The following CDYL variants were observed in gnomAD, a reference collection of about 807,000 sequenced individuals.
CDYL encodes chromodomain Y-like protein.
Under a neutral mutation model 47.3 loss-of-function variants are expected in CDYL, and 8 were observed. The observed-to-expected ratio is 0.17, with a 90% confidence interval of 0.10 to 0.31. CDYL has a LOEUF of 0.31. Ranked by LOEUF, CDYL falls within the 10% of genes least tolerant of loss-of-function variation. The pLI is 1.00. For missense variants in CDYL, 471 were observed against 701.4 expected, an observed-to-expected ratio of 0.67 and a Z score of 3.71; for synonymous variants, 266 against 265.0, an observed-to-expected ratio of 1.00 and a Z score of -0.04.
At chr6:4,816,498 CTTT>C (rs1332068497) in intron 1 of CDYL, among the ~76,000 whole-genome samples, 8 of 127,612 alleles carry the variant, frequency 6.3e-5, no homozygotes, top group Admixed American at 2.4e-4. Context: ...TTCTTTCTTT[CTTT>C]TTTTTTTTTT....
intron 3 of CDYL, among the ~76,000 whole-genome samples, chr6:4,735,838 A>G (rs966324583): frequency 6.6e-6 from 1 of 152,144 alleles, no homozygotes; most frequent in African/African-American, 2.4e-5. Context: ...AATTTATGTT[A>G]TAAACATATC....
chr6:4,952,194 A>T, intron 5 of CDYL, 72 bp from the exon 6 acceptor site: 2 of 1,533,460 alleles, frequency 1.3e-6, no homozygotes, highest in Non-Finnish European at 1.8e-6. Flanking sequence ...TTCGGTGTGG[A>T]TTTTAAGGGA....
At chr6:4,839,250 T>TCC (rs1323515397) in intron 1 of CDYL, among the ~76,000 whole-genome samples, 1 of 152,180 alleles carries the variant, frequency 6.6e-6, no homozygotes, top group African/African-American at 2.4e-5. Context: ...ATGTCCTTAG[T>TCC]CCCACTTTTT....
At chr6:4,925,229 G>A (rs1173573587) in intron 2 of CDYL, among the ~76,000 whole-genome samples, 3 of 152,052 alleles carry the variant, frequency 2.0e-5, no homozygotes, top group African/African-American at 4.8e-5. Context: ...TACTCAGATC[G>A]TTCCTAATGT....
chr6:4,876,905 G>C (rs1203896718), intron 1 of CDYL, among the ~76,000 whole-genome samples: 6 of 152,190 alleles, frequency 3.9e-5, no homozygotes, highest in Non-Finnish European at 8.8e-5. Context: ...TTAACGCAGT[G>C]CCATCATGGT....
intron 2 of CDYL, among the ~76,000 whole-genome samples, chr6:4,913,507 T>C (rs79329179): frequency 0.014 from 2,208 of 152,350 alleles, 55 homozygotes; most frequent in African/African-American, 0.05. Flanking sequence ...TGGGGAAAAG[T>C]TGATACTTCC....
chr6:4,902,211 C>T (rs1262082738), intron 2 of CDYL, among the ~76,000 whole-genome samples: 1 of 151,460 alleles, frequency 6.6e-6, no homozygotes, highest in African/African-American at 2.4e-5. Context: ...CCGGCCTAAC[C>T]AACATGGAAA....
At chr6:4,880,786 G>A (rs191250936) in intron 1 of CDYL, among the ~76,000 whole-genome samples, 1 of 152,174 alleles carries the variant, frequency 6.6e-6, no homozygotes, top group Non-Finnish European at 1.5e-5. Flanking sequence ...GACATATTCT[G>A]TGGCACATCT....
intron 2 of CDYL, among the ~76,000 whole-genome samples, chr6:4,912,622 T>A (rs1376374758): frequency 6.6e-6 from 1 of 152,226 alleles, no homozygotes; most frequent in Non-Finnish European, 1.5e-5. Context: ...CAGATATTTG[T>A]GAGAGAATAT....
chr6:4,882,298 A>G (rs1037837025), intron 1 of CDYL, among the ~76,000 whole-genome samples: 5 of 152,212 alleles, frequency 3.3e-5, no homozygotes, highest in African/African-American at 9.6e-5. Flanking sequence ...AGGAAAATCC[A>G]TGGGATTTGT....
At chr6:4,741,907 CAA>C (rs34599117) in intron 3 of CDYL, among the ~76,000 whole-genome samples, 1 of 152,198 alleles carries the variant, frequency 6.6e-6, no homozygotes, top group South Asian at 2.1e-4. Flanking sequence ...GCATCTCACT[CAA>C]AGTCCAGAAT....
chr6:4,795,920 T>C (rs942561022), intron 1 of CDYL, among the ~76,000 whole-genome samples: 1 of 152,258 alleles, frequency 6.6e-6, no homozygotes, highest in Non-Finnish European at 1.5e-5. Context: ...TTTCATTTTT[T>C]TCACTTTCAG....
chr6:4,789,060 T>C (rs1758844376), intron 1 of CDYL, among the ~76,000 whole-genome samples: 1 of 152,052 alleles, frequency 6.6e-6, no homozygotes, highest in Non-Finnish European at 1.5e-5. Flanking sequence ...ATGCAGAAGC[T>C]CCTGGTTTTC....
rs1561697427 is a variant in CDYL at position 4,900,781 on chromosome 6, A to ATATATGTATG, written c.691+8407_691+8408insGTATGTATAT. ...TTCTGTTAATTCCGTATACGTGTGT[A>ATATATGTATG]TATATATATATATATATATATATAT... On this transcript the variant is annotated intron_variant, in intron 2 of 6. Transcript: ENST00000397588. Among the ~76,000 whole-genome samples the ATATATGTATG allele has an allele frequency of 4.6e-3, 151 of 32,774 alleles. 12 individuals carry two copies. The highest frequency in any genetic ancestry group is 5.2e-3 in the East Asian group (3 of 582). 21.5% of individuals were successfully genotyped at this position (32,774 alleles called of 152,430 possible).
upstream of CDYL, among the ~76,000 whole-genome samples, chr6:4,774,197 G>A (rs1474657917): frequency 6.6e-6 from 1 of 152,128 alleles, no homozygotes; most frequent in African/African-American, 2.4e-5. Context: ...TGCATAATAG[G>A]CTTATATGTT....
At chr6:4,735,807 C>A (rs1193194372) in intron 3 of CDYL, among the ~76,000 whole-genome samples, 1 of 152,086 alleles carries the variant, frequency 6.6e-6, no homozygotes, top group African/African-American at 2.4e-5. Context: ...TATACGTGCA[C>A]CCCCATGAAA....
intron 2 of CDYL, among the ~76,000 whole-genome samples, chr6:4,900,787 A>G (rs202211274): frequency 0.35 from 16,600 of 46,866 alleles, 3,963 homozygotes; most frequent in South Asian, 0.45. Flanking sequence ...GTGTATATAT[A>G]TATATATATA....
chr6:4,745,089 C>T (rs749301706), intron 3 of CDYL, among the ~76,000 whole-genome samples: 2 of 152,086 alleles, frequency 1.3e-5, no homozygotes, highest in African/African-American at 2.4e-5. Flanking sequence ...CTCAGCCTCC[C>T]GAGTAGCTAG....
At chr6:4,948,472 G>A (rs992977567) in intron 5 of CDYL, among the ~76,000 whole-genome samples, 4 of 152,032 alleles carry the variant, frequency 2.6e-5, no homozygotes, top group African/African-American at 9.7e-5. Context: ...TTTACTTTAC[G>A]CTTCCCCTGG....
Sources: allele counts gnomAD v4.1 joint callset (sites outside exome capture counted in the v4.1 genomes callset), GRCh38; gene constraint gnomAD v4.1.1; transcripts MANE v1.5; gene names NCBI Gene and HGNC (gene_info 2026-07-23, HGNC 2026-07-21).